DAAM2: variants seen among roughly 807,000 people sequenced by gnomAD.
DAAM2 encodes the protein disheveled-associated activator of morphogenesis 2.
In DAAM2, 39 loss-of-function variants were observed where a neutral mutation model predicts 120.7. That is an observed-to-expected ratio of 0.32 (90% CI 0.25 to 0.42). The LOEUF is 0.42. Ranked by LOEUF, DAAM2 falls within the 10% of genes least tolerant of loss-of-function variation. The pLI is 1.00. For missense variants in DAAM2, 1,283 were observed against 1,401.7 expected (o/e 0.92, Z 1.35); for synonymous variants, 488 against 524.9 (o/e 0.93, Z 0.96).
intron 18 of DAAM2, 81 bp from the exon 19 acceptor site, chr6:39,891,553 G>A: frequency 1.3e-6 from 2 of 1,520,266 alleles, no homozygotes; most frequent in South Asian, 2.4e-5. Flanking sequence ...GGCTTGAGAG[G>A]AGACTGGAGC....
At chr6:39,844,889 C>T (rs1763499623) in intron 1 of DAAM2, among the ~76,000 whole-genome samples, 1 of 147,278 alleles carries the variant, frequency 6.8e-6, no homozygotes, top group Admixed American at 6.9e-5. Context: ...CATACATGCA[C>T]ACATACATCA....
intron 1 of DAAM2, among the ~76,000 whole-genome samples, chr6:39,799,413 A>G (rs1037318753): frequency 6.6e-6 from 1 of 152,218 alleles, no homozygotes; most frequent in African/African-American, 2.4e-5. Flanking sequence ...CAAATAATGC[A>G]CAGTTTTGCT....
intron 2 of DAAM2, among the ~76,000 whole-genome samples, chr6:39,860,095 G>C (rs1764151245): frequency 6.6e-6 from 1 of 152,192 alleles, no homozygotes; most frequent in South Asian, 2.1e-4. Context: ...TGAATGACAG[G>C]AGAGGCAGCT....
intron 17 of DAAM2, among the ~76,000 whole-genome samples, chr6:39,890,966 T>G (rs1386365764): frequency 6.6e-6 from 1 of 151,936 alleles, no homozygotes; most frequent in Admixed American, 6.6e-5. Context: ...ATGTGCTACA[T>G]GCCTATATTC....
At position 39,904,089 on chromosome 6, in the gene DAAM2, G is replaced by A; in HGVS notation, c.*2052G>A. The A allele has an allele frequency of 2.4e-6, 1 of 423,366 alleles. No individual in the cohort carries two copies. Among genetic ancestry groups the A allele is most frequent in the Non-Finnish European group, 4.7e-6 (1 of 211,966 alleles). The allele number at this position is 423,366 out of a possible 1,614,324, so 26.2% of individuals were successfully genotyped here. ...CCCTCAGGGGCAGGGAACAGGGGAGGGCTCCACAAGCGTGTCTGGCATTCC... is the reference window on the plus strand; with the variant it reads ...CCCTCAGGGGCAGGGAACAGGGGAGAGCTCCACAAGCGTGTCTGGCATTCC... On this transcript the variant is annotated 3_prime_UTR_variant, in exon 25 of 25. Transcript: ENST00000274867.
At chr6:39,852,911 A>C (rs547298502) in intron 1 of DAAM2, among the ~76,000 whole-genome samples, 5 of 152,334 alleles carry the variant, frequency 3.3e-5, no homozygotes, top group African/African-American at 1.2e-4. Context: ...ACTGATGAGG[A>C]GAAGGAGGCA....
rs973845908 is a variant in DAAM2, at chr6:39,875,866, C to T, written c.1301+398C>T. ...TAGATGGGGAATTTAAACACATTAA[C>T]GTAGAACAAGGGTCAGCAAACTATG... On this transcript the variant is annotated intron_variant, in intron 11 of 24. Coordinates refer to ENST00000274867, the MANE Select transcript of DAAM2 (RefSeq NM_001201427.2). 4.6e-5 allele frequency among the ~76,000 whole-genome samples: 7 copies of T among 152,206 alleles called. No individual in the cohort carries two copies. The East Asian group carries it at 5.8e-4, about 13-fold the overall frequency.
chr6:39,896,309 T>G (rs1562063633), intron 19 of DAAM2, among the ~76,000 whole-genome samples: 1 of 152,120 alleles, frequency 6.6e-6, no homozygotes, highest in South Asian at 2.1e-4. Context: ...TTCAAGGGAC[T>G]CTTTTGCTTT....
intron 1 of DAAM2, among the ~76,000 whole-genome samples, chr6:39,847,959 G>C (rs976377692): frequency 2.6e-5 from 4 of 152,070 alleles, no homozygotes; most frequent in African/African-American, 9.7e-5. Context: ...TGTAGTTTTG[G>C]TTCCCACTGC....
intron 8 of DAAM2, 38 bp from the exon 9 acceptor site, chr6:39,871,468 T>C: frequency 6.5e-7 from 1 of 1,534,734 alleles, no homozygotes; most frequent in Admixed American, 2.0e-5. Context: ...GTGTCCTGGC[T>C]GTAATGTCTA....
intron 8 of DAAM2, 71 bp from the exon 9 acceptor site, chr6:39,871,435 G>A: frequency 7.1e-7 from 1 of 1,399,552 alleles, no homozygotes; most frequent in Non-Finnish European, 9.9e-7. Flanking sequence ...GGCTCGAAGG[G>A]GCTGTAACCC....
chr6:39,806,843 AAAAAAAAAAAAAG>A (rs1039305939), intron 1 of DAAM2, among the ~76,000 whole-genome samples: 6 of 111,392 alleles, frequency 5.4e-5, no homozygotes, highest in Admixed American at 4.2e-4. Flanking sequence ...AGATTGGCAA[AAAAAAAAAAAAAG>A]AAAAGAAAAA....
Position 39,832,330 on chromosome 6 carries a change from C to T in DAAM2, c.-56-23917C>T, listed in dbSNP as rs923040763. Among the ~76,000 whole-genome samples the T allele has an allele frequency of 8.5e-5, 13 of 152,148 alleles. No individual in the cohort carries two copies. In the East Asian group the frequency reaches 9.7e-4, roughly 11 times the overall value. Reference sequence around the variant, plus strand: ...TGCCAGCCAGCCTCCCTGAGCCCTCCGAGGACTCAGATCTGAAACAAAAGT... The same window carrying T: ...TGCCAGCCAGCCTCCCTGAGCCCTCTGAGGACTCAGATCTGAAACAAAAGT... On this transcript the variant is annotated intron_variant, in intron 1 of 24. Transcript: ENST00000274867.
chr6:39,801,809 G>C (rs115914714), intron 1 of DAAM2, among the ~76,000 whole-genome samples: 461 of 152,246 alleles, frequency 3.0e-3, no homozygotes, highest in African/African-American at 0.01. Flanking sequence ...ATTCCCGGGG[G>C]GTCAGTGTTA....
chr6:39,848,927 C>G (rs1402615561), intron 1 of DAAM2: 2 of 152,104 alleles, frequency 1.3e-5, no homozygotes. Context: ...TGAGATAAAC[C>G]TCGAACATGG....
chr6:39,801,541 G>A (rs748758915), intron 1 of DAAM2, among the ~76,000 whole-genome samples: 13 of 152,214 alleles, frequency 8.5e-5, no homozygotes, highest in Non-Finnish European at 1.6e-4. Flanking sequence ...CCCACTGGGA[G>A]CCGCCATCCT....
At chr6:39,803,892 G>A (rs1036945566) in intron 1 of DAAM2, among the ~76,000 whole-genome samples, 15 of 152,138 alleles carry the variant, frequency 9.9e-5, no homozygotes, top group Admixed American at 8.5e-4. Flanking sequence ...AGGCAAAGGC[G>A]ACCATATAAT....
At chr6:39,857,081 A>G (rs1475712717) in intron 2 of DAAM2, among the ~76,000 whole-genome samples, 3 of 152,190 alleles carry the variant, frequency 2.0e-5, no homozygotes, top group Non-Finnish European at 4.4e-5. Context: ...GCCCGCCCAG[A>G]CCAGCTTTCA....
intron 1 of DAAM2, among the ~76,000 whole-genome samples, chr6:39,831,694 C>T (rs1470060536): frequency 9.2e-6 from 1 of 108,650 alleles, no homozygotes; most frequent in African/African-American, 2.8e-5. Flanking sequence ...AGGTCTGTGG[C>T]CTGGGGGGTA....
Sources: allele counts gnomAD v4.1 joint callset (sites outside exome capture counted in the v4.1 genomes callset), GRCh38; gene constraint gnomAD v4.1.1; transcripts MANE v1.5; gene names NCBI Gene and HGNC (gene_info 2026-07-23, HGNC 2026-07-21).